Variants in DOCK3 observed in about 807,000 individuals in gnomAD.
DOCK3 encodes dedicator of cytokinesis 3.
A neutral mutation model predicts 265.6 loss-of-function variants in DOCK3; 60 were observed. That is an observed-to-expected ratio of 0.23 (90% CI 0.18 to 0.28). The LOEUF (loss-of-function observed/expected upper bound fraction) is 0.28, where lower values mean the gene tolerates loss of function less well. DOCK3 is among the 10% of genes least tolerant of loss of function. DOCK3 has a pLI of 1.00. For synonymous variants in DOCK3, 881 were observed against 938.0 expected (o/e 0.94, Z 1.11); for missense variants, 1,981 against 2,594.3 (o/e 0.76, Z 5.14).
intron 2 of DOCK3, among the ~76,000 whole-genome samples, chr3:50,788,764 G>C (rs1182536283): frequency 6.6e-6 from 1 of 151,788 alleles, no homozygotes; most frequent in East Asian, 1.9e-4. Context: ...AGGGCAAGGA[G>C]GGTGGCAGGG....
intron 5 of DOCK3, among the ~76,000 whole-genome samples, chr3:50,962,466 G>C (rs754790037): frequency 2.0e-5 from 3 of 152,078 alleles, no homozygotes; most frequent in Non-Finnish European, 4.4e-5. Context: ...TCACTTCCCA[G>C]TTTTCATGAG....
At chr3:51,172,742 T>C (rs1486685892) in intron 12 of DOCK3, among the ~76,000 whole-genome samples, 1 of 152,198 alleles carries the variant, frequency 6.6e-6, no homozygotes, top group Non-Finnish European at 1.5e-5. Context: ...TTGTCTTTCT[T>C]TGGAATTTGT....
intron 33 of DOCK3, among the ~76,000 whole-genome samples, chr3:51,331,222 C>T (rs2109966240): frequency 6.6e-6 from 1 of 152,278 alleles, no homozygotes; most frequent in South Asian, 2.1e-4. Flanking sequence ...GGAGTCTCCC[C>T]TATACTATGC....
chr3:51,225,539 C>T (rs1329209481), intron 14 of DOCK3, 110 bp from the exon 15 acceptor site: 3 of 1,481,564 alleles, frequency 2.0e-6, no homozygotes, highest in Non-Finnish European at 2.7e-6. Flanking sequence ...TTGGAATGCC[C>T]TGAACACCCA....
At chr3:50,829,738 C>T (rs1274548457) in intron 2 of DOCK3, among the ~76,000 whole-genome samples, 2 of 152,008 alleles carry the variant, frequency 1.3e-5, no homozygotes, top group African/African-American at 2.4e-5. Context: ...AGGACTAGAA[C>T]CAGAAGTTCA....
intron 13 of DOCK3, among the ~76,000 whole-genome samples, chr3:51,210,379 T>A (rs1026973892): frequency 6.6e-6 from 1 of 152,216 alleles, no homozygotes; most frequent in African/African-American, 2.4e-5. Flanking sequence ...ATGGCTGTAG[T>A]GAGAGGTGGT....
At chr3:51,331,209 G>C (rs1055284801) in intron 33 of DOCK3, among the ~76,000 whole-genome samples, 3 of 152,162 alleles carry the variant, frequency 2.0e-5, no homozygotes, top group Non-Finnish European at 4.4e-5. Context: ...ATTTAAAAAG[G>C]GGGGAGTCTC....
chr3:50,686,067 A>G (rs576965379), intron 1 of DOCK3, among the ~76,000 whole-genome samples: 2 of 152,062 alleles, frequency 1.3e-5, no homozygotes, highest in Non-Finnish European at 2.9e-5. Flanking sequence ...TGTGTACTTT[A>G]TTTCTATTTT....
intron 27 of DOCK3, among the ~76,000 whole-genome samples, chr3:51,288,521 TAATCTGGAC>T (rs2081543946): frequency 6.6e-6 from 1 of 151,916 alleles, no homozygotes; most frequent in Non-Finnish European, 1.5e-5. Context: ...GGCAGTATAA[TAATCTGGAC>T]ACCAAACCTC....
At chr3:51,078,116 C>T (rs1271911746) in intron 7 of DOCK3, among the ~76,000 whole-genome samples, 2 of 151,618 alleles carry the variant, frequency 1.3e-5, no homozygotes, top group East Asian at 1.9e-4. Flanking sequence ...GAACAACATA[C>T]GGAAGGAACT....
intron 5 of DOCK3, among the ~76,000 whole-genome samples, chr3:50,971,540 G>A (rs1036047593): frequency 3.9e-5 from 6 of 152,274 alleles, no homozygotes; most frequent in East Asian, 3.9e-4. Context: ...CCAGGTTGGC[G>A]AGGTCTCAGG....
At chr3:50,880,267 G>A (rs1191912969) in intron 3 of DOCK3, among the ~76,000 whole-genome samples, 1 of 152,054 alleles carries the variant, frequency 6.6e-6, no homozygotes, top group African/African-American at 2.4e-5. Context: ...CAGAAGGCAA[G>A]AAATAACTAA....
At chr3:50,682,767 T>A (rs2355338) in intron 1 of DOCK3, among the ~76,000 whole-genome samples, 1 of 152,186 alleles carries the variant, frequency 6.6e-6, no homozygotes, top group Non-Finnish European at 1.5e-5. Flanking sequence ...AGTGAAACCC[T>A]GCCTCTACTA....
intron 9 of DOCK3, among the ~76,000 whole-genome samples, chr3:51,143,393 C>T (rs759293515): frequency 1.5e-4 from 22 of 150,800 alleles, no homozygotes; most frequent in Non-Finnish European, 2.8e-4. Context: ...TCTCAGCCTC[C>T]TGAGTAGCTG....
chr3:51,146,697 G>A (rs2085318728), intron 10 of DOCK3, 67 bp downstream of exon 10: 1 of 1,428,188 alleles, frequency 7.0e-7, no homozygotes, highest in South Asian at 1.2e-5. Flanking sequence ...TGTGGATACT[G>A]TCACCCTGGA....
chr3:51,194,419 T>C (rs1276179980), intron 12 of DOCK3, among the ~76,000 whole-genome samples: 1 of 152,236 alleles, frequency 6.6e-6, no homozygotes, highest in East Asian at 1.9e-4. Flanking sequence ...GTTAGCTCCA[T>C]TGGGTCTAAA....
intron 49 of DOCK3, among the ~76,000 whole-genome samples, chr3:51,368,213 G>A (rs568502468): frequency 6.6e-6 from 1 of 152,276 alleles, no homozygotes; most frequent in Admixed American, 6.5e-5. Context: ...CATTTCACAG[G>A]GGCTTGTCAG....
intron 12 of DOCK3, among the ~76,000 whole-genome samples, chr3:51,171,894 T>C (rs2086698857): frequency 6.6e-6 from 1 of 152,198 alleles, no homozygotes; most frequent in African/African-American, 2.4e-5. Context: ...ATTTTCTGTT[T>C]GGATGATCTC....
chr3:50,879,034 C>T (rs1408746871), intron 3 of DOCK3, among the ~76,000 whole-genome samples: 1 of 152,108 alleles, frequency 6.6e-6, no homozygotes, highest in Non-Finnish European at 1.5e-5. Flanking sequence ...AACTAAGCTT[C>T]ATAAGTGAAG....
Sources: gnomAD v4.1 joint callset for allele counts (sites outside exome capture counted in the v4.1 genomes callset) on GRCh38, gnomAD v4.1.1 for gene constraint, MANE v1.5 for transcripts, NCBI Gene and HGNC (gene_info 2026-07-23, HGNC 2026-07-21) for gene names.